The following ACTR3C variants were observed in gnomAD, a reference collection of about 807,000 sequenced individuals.
ACTR3C encodes actin-related protein 3C.
A neutral mutation model predicts 26.3 loss-of-function variants in ACTR3C; 18 were observed. The ratio of observed to expected loss-of-function variants is 0.68; its 90% CI spans 0.47 to 1.01. The LOEUF is 1.01. Ranked by LOEUF, ACTR3C falls within the 50% of genes least tolerant of loss-of-function variation. The pLI is 0.00. For missense variants in ACTR3C, 184 were observed against 250.7 expected (o/e 0.73, Z 1.80); for synonymous variants, 55 against 94.5 (o/e 0.58, Z 2.42).
chr7:149,960,356 A>G, the ACTR3C span, among the ~76,000 whole-genome samples: 1 of 152,232 alleles, frequency 6.6e-6, no homozygotes, highest in African/African-American at 2.4e-5. Flanking sequence ...ACACAAAAAT[A>G]CGGCTTACCA....
chr7:150,013,974 G>T, the ACTR3C span, among the ~76,000 whole-genome samples: 1 of 152,162 alleles, frequency 6.6e-6, no homozygotes, highest in Non-Finnish European at 1.5e-5. Flanking sequence ...TGGGTATTCT[G>T]CACAGAGTCT....
the ACTR3C span, among the ~76,000 whole-genome samples, chr7:150,219,620 A>C: frequency 7.3e-6 from 1 of 137,004 alleles, no homozygotes; most frequent in Non-Finnish European, 1.5e-5. Flanking sequence ...GCGTGGGAGT[A>C]AACATTTCCC....
the ACTR3C span, among the ~76,000 whole-genome samples, chr7:149,996,222 A>C: frequency 6.6e-6 from 1 of 152,082 alleles, no homozygotes; most frequent in Non-Finnish European, 1.5e-5. Flanking sequence ...ATGGAAAGGG[A>C]CGGAGTAAAG....
chr7:150,252,793 G>C (rs1410870761), intron 6 of ACTR3C, among the ~76,000 whole-genome samples: 1 of 152,134 alleles, frequency 6.6e-6, no homozygotes. Context: ...ACTGGGAATA[G>C]GATGTATCCT....
intron 6 of ACTR3C, among the ~76,000 whole-genome samples, chr7:150,257,663 G>A (rs1016926742): frequency 3.9e-5 from 6 of 152,196 alleles, no homozygotes; most frequent in African/African-American, 1.4e-4. Flanking sequence ...CTTGAAAACA[G>A]CAATGCCCAA....
At chr7:150,047,072 G>GA in the ACTR3C span, among the ~76,000 whole-genome samples, 1 of 151,748 alleles carries the variant, frequency 6.6e-6, no homozygotes, top group Non-Finnish European at 1.5e-5. Flanking sequence ...CCGCTGGGGG[G>GA]AAAAAGTGTC....
chr7:150,299,486 A>C (rs868379800), intron 1 of ACTR3C, among the ~76,000 whole-genome samples: 25 of 144,024 alleles, frequency 1.7e-4, no homozygotes, highest in Middle Eastern at 3.5e-3. Flanking sequence ...AAAAAAAAAA[A>C]AAAAAAAACA....
chr7:149,940,268 G>A, the ACTR3C span, among the ~76,000 whole-genome samples: 2 of 151,822 alleles, frequency 1.3e-5, no homozygotes, highest in Admixed American at 6.6e-5. Flanking sequence ...AAACAAGGAA[G>A]CAATTAAGCA....
At chr7:150,323,404 T>G in intron 1 of ACTR3C, 65 bp downstream of exon 1, 3 of 303,850 alleles carry the variant, frequency 9.9e-6, no homozygotes, top group South Asian at 7.2e-5. Flanking sequence ...ACAAGTTGGG[T>G]GGTGGGCACG....
the ACTR3C span, among the ~76,000 whole-genome samples, chr7:150,141,698 T>G: frequency 6.6e-6 from 1 of 152,148 alleles, no homozygotes; most frequent in African/African-American, 2.4e-5. Context: ...TGAACTCATC[T>G]CAGCAGGTGA....
chr7:150,024,970 G>T, the ACTR3C span, among the ~76,000 whole-genome samples: 1 of 152,104 alleles, frequency 6.6e-6, no homozygotes, highest in Non-Finnish European at 1.5e-5. Context: ...CATGCTGTTA[G>T]CAAGGTCTGG....
the ACTR3C span, among the ~76,000 whole-genome samples, chr7:150,138,445 C>A: frequency 1.8e-4 from 27 of 151,888 alleles, no homozygotes; most frequent in African/African-American, 6.5e-4. Flanking sequence ...AAAGAAACAC[C>A]GTTTCACAGG....
the ACTR3C span, among the ~76,000 whole-genome samples, chr7:150,214,310 A>G: frequency 6.6e-6 from 1 of 152,232 alleles, no homozygotes; most frequent in African/African-American, 2.4e-5. Flanking sequence ...TATTATAAGA[A>G]GACTCCTCAT....
chr7:150,087,064 A>G, the ACTR3C span, among the ~76,000 whole-genome samples: 9 of 152,216 alleles, frequency 5.9e-5, no homozygotes, highest in East Asian at 1.7e-3. Context: ...TTTTCTAAAC[A>G]TTATCATCTG....
chr7:149,949,413 AG>A, the ACTR3C span, among the ~76,000 whole-genome samples: 1 of 146,150 alleles, frequency 6.8e-6, no homozygotes. Flanking sequence ...GAAGGAAGGA[AG>A]GAAGGAAGGA....
chr7:150,041,731 G>A, the ACTR3C span, among the ~76,000 whole-genome samples: 2 of 136,266 alleles, frequency 1.5e-5, no homozygotes, highest in Non-Finnish European at 3.1e-5. Flanking sequence ...CCCCTCCTGC[G>A]ATGGGGGTCC....
chr7:150,316,148 G>C (rs1440507352), intron 1 of ACTR3C, among the ~76,000 whole-genome samples: 1 of 152,190 alleles, frequency 6.6e-6, no homozygotes, highest in Admixed American at 6.5e-5. Context: ...AGTGAGCCGA[G>C]ATCACGCCAT....
At chr7:150,322,258 G>C (rs756298379) in intron 1 of ACTR3C, among the ~76,000 whole-genome samples, 1 of 152,200 alleles carries the variant, frequency 6.6e-6, no homozygotes, top group Non-Finnish European at 1.5e-5. Context: ...AATAAGGGCT[G>C]GGTAAAATGA....
the ACTR3C span, among the ~76,000 whole-genome samples, chr7:149,921,111 A>T: frequency 6.6e-6 from 1 of 152,046 alleles, no homozygotes; most frequent in South Asian, 2.1e-4. Context: ...ATGACTCTGA[A>T]TTTTTTCCAG....
Sources: allele counts gnomAD v4.1 joint callset (sites outside exome capture counted in the v4.1 genomes callset), GRCh38; gene constraint gnomAD v4.1.1; transcripts MANE v1.5; gene names NCBI Gene and HGNC (gene_info 2026-07-23, HGNC 2026-07-21).